EXPH5: variants seen among roughly 807,000 people sequenced by gnomAD.
EXPH5 encodes the protein exophilin 5.
EXPH5 carries 42 observed loss-of-function variants against 41.1 expected under a neutral mutation model. That is an observed-to-expected ratio of 1.02 (90% CI 0.80 to 1.32). The LOEUF (loss-of-function observed/expected upper bound fraction) is 1.32, where lower values mean the gene tolerates loss of function less well. Ranked by LOEUF, EXPH5 falls within the 40% of genes most tolerant of loss-of-function variation. The probability of loss-of-function intolerance (pLI) is 0.00; values close to 1 mark genes in which losing one functional copy is unlikely to be tolerated. For missense variants in EXPH5, 2,298 were observed against 2,314.5 expected (o/e 0.99, Z 0.15); for synonymous variants, 798 against 833.5 (o/e 0.96, Z 0.73).
At chr11:108,526,815 C>T (rs1436999271) in intron 4 of EXPH5, among the ~76,000 whole-genome samples, 1 of 152,184 alleles carries the variant, frequency 6.6e-6, no homozygotes, top group Non-Finnish European at 1.5e-5. Flanking sequence ...ACCTCACTTT[C>T]TTCATCTTTA....
At position 108,511,587 on chromosome 11, in the gene EXPH5, C is replaced by T. The variant is rs1265900823; in HGVS notation, c.3920G>A (p.Gly1307Glu). ...CTTTAGATTTTCACATGAAGGTGTT[C>T]CTGACTGCTCTCGTGTAGAATAATT... The part of the protein sequence containing the change: ...KQNYSTREQS[G>E]TPSCENLKMS... The change falls in exon 6 of 6, where the codon GGA becomes GAA. Residue 1307 changes from glycine to glutamate, a missense_variant. Transcript: ENST00000265843. 1 of 1,613,524 alleles carries T rather than the reference C, an allele frequency of 6.2e-7. No homozygotes were observed. The highest frequency in any genetic ancestry group is 8.5e-7 in the Non-Finnish European group (1 of 1,179,854).
Position 108,516,423 on chromosome 11 carries a change from C to G in EXPH5, c.632-1548G>C, listed in dbSNP as rs142374071. 3.5e-3 allele frequency among the ~76,000 whole-genome samples: 536 copies of G among 152,192 alleles called. 1 individual carries two copies. The highest frequency in any genetic ancestry group is 0.012 in the African/African-American group (506 of 41,514). On this transcript the variant is annotated intron_variant, in intron 5 of 5. Transcript: ENST00000265843. The stretch of plus-strand genomic sequence containing the variant: ...ATTTAATTGTACTTGACATGTTTTC[C>G]TCAATAAAAACCCATTAGATTTTGA...
chr11:108,577,031 G>T (rs2094082068), intron 1 of EXPH5, among the ~76,000 whole-genome samples: 1 of 152,152 alleles, frequency 6.6e-6, no homozygotes, highest in Non-Finnish European at 1.5e-5. Context: ...ATATCTTCCA[G>T]TTCCATCTAT....
At chr11:108,535,643 A>C (rs1437975788) in intron 3 of EXPH5, among the ~76,000 whole-genome samples, 2 of 152,232 alleles carry the variant, frequency 1.3e-5, no homozygotes, top group Non-Finnish European at 2.9e-5. Flanking sequence ...TGCCCTTTTA[A>C]TTTTCCAAAA....
At position 108,511,567 on chromosome 11, in the gene EXPH5, G is replaced by A; in HGVS notation, c.3940C>T (p.Leu1314=). The A allele has an allele frequency of 6.2e-7, 1 of 1,613,248 alleles. No homozygotes were observed. Among genetic ancestry groups the A allele is most frequent in the Non-Finnish European group, 8.5e-7 (1 of 1,179,754 alleles). ...TGATCAGAGTTGACGGACATCTTTA[G>A]ATTTTCACATGAAGGTGTTCCTGAC... ...EQSGTPSCEN[L]KMSVNSDQTL... is the part of the protein sequence containing the mutation. Residue 1314 remains leucine, a synonymous_variant, in exon 6 of 6, where the codon CTA becomes TTA. Transcript: ENST00000265843.
upstream of EXPH5, among the ~76,000 whole-genome samples, chr11:108,598,447 T>C (rs2094141673): frequency 6.6e-6 from 1 of 151,944 alleles, no homozygotes; most frequent in South Asian, 2.1e-4. Flanking sequence ...CTTCAGGGAG[T>C]TTGCACTTCC....
At position 108,513,356 on chromosome 11, in the gene EXPH5, C is replaced by G; in HGVS notation, c.2151G>C (p.Met717Ile). 1 of 1,613,998 alleles carries G rather than the reference C, an allele frequency of 6.2e-7. No homozygotes were observed. Among genetic ancestry groups the G allele is most frequent in the Non-Finnish European group, 8.5e-7 (1 of 1,179,954 alleles). The change falls in exon 6 of 6, where the codon ATG (methionine) becomes ATC (isoleucine). Residue 717 changes from methionine to isoleucine, a missense_variant. Physicochemically the swap from Met to Ile is conservative, Grantham distance 10 (BLOSUM62 1). Transcript: ENST00000265843. ...TTTCACCTGCCTTGTTTGTCTGGTC[C>G]ATCTTGCTTAGCTGTTTGTCTTCTT... is the stretch of plus-strand genomic sequence containing the variant. ...ISEEDKQLSK[M>I]DQTNKAGEIP...
At chr11:108,517,619 T>C (rs1347475993) in intron 5 of EXPH5, among the ~76,000 whole-genome samples, 1 of 152,252 alleles carries the variant, frequency 6.6e-6, no homozygotes. Flanking sequence ...GGAACCTGTC[T>C]CAGTTTTTAT....
At chr11:108,602,332 C>G in the EXPH5 span, among the ~76,000 whole-genome samples, 1 of 152,188 alleles carries the variant, frequency 6.6e-6, no homozygotes, top group Non-Finnish European at 1.5e-5. Flanking sequence ...CTTTACCTCT[C>G]TATTTGAATT....
intron 1 of EXPH5, among the ~76,000 whole-genome samples, chr11:108,547,188 T>TA (rs1413215709): frequency 6.6e-6 from 1 of 152,030 alleles, no homozygotes; most frequent in African/African-American, 2.4e-5. Flanking sequence ...TGATTTTTTT[T>TA]AAAGTTAAAT....
At chr11:108,568,471 C>G (rs1346595074) in intron 1 of EXPH5, among the ~76,000 whole-genome samples, 1 of 152,188 alleles carries the variant, frequency 6.6e-6, no homozygotes. Context: ...GTTCCAAGTT[C>G]TCTTGGCCAG....
intron 1 of EXPH5, among the ~76,000 whole-genome samples, chr11:108,581,031 G>A (rs892941300): frequency 1.3e-5 from 2 of 152,196 alleles, no homozygotes; most frequent in Non-Finnish European, 2.9e-5. Flanking sequence ...ATATGGCTGG[G>A]CATGGTGGCT....
At chr11:108,565,731 A>G (rs954027128) in intron 1 of EXPH5, among the ~76,000 whole-genome samples, 3 of 152,154 alleles carry the variant, frequency 2.0e-5, no homozygotes, top group African/African-American at 7.2e-5. Flanking sequence ...TATGTGTCTC[A>G]TCTTCCTCAT....
At chr11:108,598,333 G>A (rs1425936453), upstream of EXPH5, among the ~76,000 whole-genome samples, 1 of 152,164 alleles carries the variant, frequency 6.6e-6, no homozygotes, top group African/African-American at 2.4e-5. Flanking sequence ...CCCAGATAAT[G>A]GGCTTAGTTG....
At chr11:108,603,510 CT>C in the EXPH5 span, among the ~76,000 whole-genome samples, 2 of 152,122 alleles carry the variant, frequency 1.3e-5, no homozygotes, top group African/African-American at 4.8e-5. Flanking sequence ...GAATCCGTTT[CT>C]TAAAAAATTG....
At chr11:108,592,790 C>T (rs966481928) in intron 1 of EXPH5, among the ~76,000 whole-genome samples, 1 of 152,234 alleles carries the variant, frequency 6.6e-6, no homozygotes, top group South Asian at 2.1e-4. Flanking sequence ...CCAGCCAACC[C>T]CGTGTGTCCA....
intron 1 of EXPH5, among the ~76,000 whole-genome samples, chr11:108,542,146 C>T (rs890760888): frequency 1.3e-5 from 2 of 152,170 alleles, no homozygotes; most frequent in South Asian, 2.1e-4. Flanking sequence ...TCCCAAAGTG[C>T]TGGGATTACA....
rs116611695 is a variant in EXPH5, at chr11:108,571,585, C to T, written c.119+21833G>A. ...CGACTTTGGGCAAACAGAGCTCTCA[C>T]TTGGCCCCTGGTAATGCTGAAGGGG... is the stretch of plus-strand genomic sequence containing the variant. On this transcript the variant is annotated intron_variant, in intron 1 of 5. Coordinates refer to ENST00000265843, the MANE Select transcript of EXPH5 (RefSeq NM_015065.3). 2.8e-3 allele frequency among the ~76,000 whole-genome samples: 429 copies of T among 152,272 alleles called. 3 individuals are homozygous for T. The highest frequency in any genetic ancestry group is 9.7e-3 in the African/African-American group (403 of 41,554).
chr11:108,559,510 G>A (rs11212707), intron 1 of EXPH5, among the ~76,000 whole-genome samples: 29,467 of 152,110 alleles, frequency 0.19, 3,604 homozygotes, highest in Middle Eastern at 0.3. Flanking sequence ...TGATCTCAAC[G>A]TCTTGAATTT....
Sources: gnomAD v4.1 joint callset for allele counts (sites outside exome capture counted in the v4.1 genomes callset) on GRCh38, gnomAD v4.1.1 for gene constraint, MANE v1.5 for transcripts, NCBI Gene and HGNC (gene_info 2026-07-23, HGNC 2026-07-21) for gene names.